PCDHGB3: variants seen among roughly 807,000 people sequenced by gnomAD.
PCDHGB3 encodes the protein protocadherin gamma-B3.
Under a neutral mutation model 59.2 loss-of-function variants are expected in PCDHGB3, and 40 were observed. That is an observed-to-expected ratio of 0.68 (90% CI 0.52 to 0.88). The LOEUF is 0.88. PCDHGB3 is among the 40% of genes least tolerant of loss of function. The pLI is 0.00. For missense variants in PCDHGB3, 1,309 were observed against 1,187.9 expected (o/e 1.10, Z -1.50); for synonymous variants, 581 against 503.6 (o/e 1.15, Z -2.06).
intron 1 of PCDHGB3, chr5:141,475,917 C>T (rs1012431912): frequency 1.7e-6 from 1 of 599,962 alleles, no homozygotes. Context: ...AATGAAGACG[C>T]TGGAGATCGG....
At chr5:141,446,020 T>C (rs1226676321) in intron 1 of PCDHGB3, among the ~76,000 whole-genome samples, 1 of 152,180 alleles carries the variant, frequency 6.6e-6, no homozygotes, top group African/African-American at 2.4e-5. Context: ...ACTATGGCAA[T>C]ATTCCTGGTA....
At chr5:141,385,142 C>T (rs1420566063) in intron 1 of PCDHGB3, 2 of 1,614,210 alleles carry the variant, frequency 1.2e-6, no homozygotes, top group Non-Finnish European at 1.7e-6. Flanking sequence ...GGGGTGCAGG[C>T]TTTCCTGCAG....
chr5:141,443,104 C>A (rs950011995), intron 1 of PCDHGB3, among the ~76,000 whole-genome samples: 1 of 151,854 alleles, frequency 6.6e-6, no homozygotes, highest in East Asian at 1.9e-4. Flanking sequence ...TCAAGCTGAA[C>A]CTTGCTTTTC....
rs752071139 is a variant in PCDHGB3 at position 141,422,722 on chromosome 5, G to A, written c.2415+49913G>A. ...CTCTCTGACGGATGACACTGTCCAG[G>A]GGGTGCCTCTGTCCTCCTATGTCTC... On this transcript the variant is annotated intron_variant, in intron 1 of 3. Coordinates refer to ENST00000576222, the MANE Select transcript of PCDHGB3 (RefSeq NM_018924.5). The A allele has an allele frequency of 2.4e-5, 39 of 1,605,774 alleles. No homozygotes were observed. In the South Asian group the frequency reaches 4.0e-4, roughly 17 times the overall value.
intron 2 of PCDHGB3, among the ~76,000 whole-genome samples, chr5:141,501,530 G>A (rs556760554): frequency 3.5e-4 from 53 of 151,998 alleles, no homozygotes; most frequent in Admixed American, 2.2e-3. Context: ...AGCCCAGTAC[G>A]TTGTTGTGCA....
chr5:141,457,168 C>T (rs10072917), intron 1 of PCDHGB3, among the ~76,000 whole-genome samples: 42,426 of 152,004 alleles, frequency 0.28, 6,644 homozygotes, highest in African/African-American at 0.43. Context: ...ATGGATAACC[C>T]TATTGCAAAT....
chr5:141,418,840 C>G, intron 1 of PCDHGB3: 1 of 1,614,006 alleles, frequency 6.2e-7, no homozygotes. Flanking sequence ...GAGGATCTCT[C>G]TCAACACGGT....
chr5:141,447,298 C>T lies in PCDHGB3; in HGVS notation c.2416-47509C>T, dbSNP rs187482431. 1.7e-3 allele frequency among the ~76,000 whole-genome samples: 260 copies of T among 152,214 alleles called. 2 individuals carry two copies. Among genetic ancestry groups the T allele is most frequent in the African/African-American group, 5.8e-3 (239 of 41,534 alleles). ...GGGACTACAGGCACATGCCACCACA[C>T]CCGGCTAATTTTTGTATTTTTAGTA... On this transcript the variant is annotated intron_variant, in intron 1 of 3. Coordinates refer to ENST00000576222, the MANE Select transcript of PCDHGB3 (RefSeq NM_018924.5).
At chr5:141,423,618 C>T (rs2096760725) in intron 1 of PCDHGB3, 2 of 1,608,284 alleles carry the variant, frequency 1.2e-6, no homozygotes, top group East Asian at 2.2e-5. Flanking sequence ...TAGCTGAAGA[C>T]TCAGCTATCA....
chr5:141,388,937 C>T, intron 1 of PCDHGB3: 1 of 1,613,964 alleles, frequency 6.2e-7, no homozygotes, highest in Non-Finnish European at 8.5e-7. Context: ...AGTCTCTACC[C>T]AACCTAATTA....
At chr5:141,383,007 G>T (rs1047921009) in intron 1 of PCDHGB3, 1 of 1,613,748 alleles carries the variant, frequency 6.2e-7, no homozygotes, top group Admixed American at 1.7e-5. Context: ...ACTCCGTGTC[G>T]GAGGAGACGG....
At position 141,476,112 on chromosome 5, in the gene PCDHGB3, G is replaced by A. The variant is rs1201449171; in HGVS notation, c.2416-18695G>A. 2.5e-6 allele frequency: 4 copies of A among 1,590,646 alleles called. No homozygotes were observed. Among genetic ancestry groups the A allele is most frequent in the Non-Finnish European group, 2.6e-6 (3 of 1,170,830 alleles). ...CCCCGCTGAGAGGAACTGCTTTTGA[G>A]TGAGATGGTCCCAGAGGCCTGGAGG... On this transcript the variant is annotated intron_variant, in intron 1 of 3. Transcript: ENST00000576222. The surrounding 1 kb of genome is among the most constrained non-coding windows in gnomAD (Gnocchi z 7.6).
chr5:141,395,332 AT>A (rs2093216099), intron 1 of PCDHGB3: 2 of 1,450,272 alleles, frequency 1.4e-6, no homozygotes, highest in Non-Finnish European at 9.2e-7. Flanking sequence ...GTTGAAAATA[AT>A]TTTTAAGGTG....
chr5:141,408,973 T>C (rs754120948), intron 1 of PCDHGB3: 8 of 1,613,718 alleles, frequency 5.0e-6, no homozygotes, highest in South Asian at 1.1e-5. Context: ...ATCTGCCCCC[T>C]GGGTCCCCTG....
chr5:141,377,011 C>T (rs911303450), intron 1 of PCDHGB3: 6 of 155,270 alleles, frequency 3.9e-5, no homozygotes, highest in Non-Finnish European at 5.7e-5. Context: ...TATTGGTTGA[C>T]AGGAAAATTC....
intron 1 of PCDHGB3, chr5:141,430,896 G>A: frequency 6.2e-7 from 1 of 1,606,012 alleles, no homozygotes; most frequent in Admixed American, 1.7e-5. Context: ...TCTAGGGTGG[G>A]CGACATCTCC....
At chr5:141,484,801 A>G (rs1285617622) in intron 1 of PCDHGB3, among the ~76,000 whole-genome samples, 3 of 152,024 alleles carry the variant, frequency 2.0e-5, no homozygotes, top group African/African-American at 7.2e-5. Flanking sequence ...CAACCCGTGG[A>G]AAAACATGCC....
intron 1 of PCDHGB3, among the ~76,000 whole-genome samples, chr5:141,373,204 A>G (rs1769394897): frequency 6.6e-6 from 1 of 152,216 alleles, no homozygotes; most frequent in South Asian, 2.1e-4. Context: ...ATATCTTAAC[A>G]CATTTTTAAT....
intron 1 of PCDHGB3, among the ~76,000 whole-genome samples, chr5:141,420,626 C>T (rs1192244062): frequency 6.6e-6 from 1 of 152,152 alleles, no homozygotes; most frequent in Non-Finnish European, 1.5e-5. Flanking sequence ...TTCATTTACT[C>T]AATAAAGGAA....
Sources: allele counts gnomAD v4.1 joint callset (sites outside exome capture counted in the v4.1 genomes callset), GRCh38; gene constraint gnomAD v4.1.1; non-coding constraint Gnocchi (gnomAD v3.1); transcripts MANE v1.5; gene names NCBI Gene and HGNC (gene_info 2026-07-23, HGNC 2026-07-21).